Variants in SORCS3 observed in about 807,000 individuals in gnomAD.
The protein encoded by SORCS3 is sortilin related VPS10 domain containing receptor 3, also known as VPS10 domain-containing receptor SorCS3.
In SORCS3, 57 loss-of-function variants were observed where a neutral mutation model predicts 146.3. The observed-to-expected ratio is 0.39, with a 90% confidence interval of 0.31 to 0.49. The LOEUF (loss-of-function observed/expected upper bound fraction) is 0.49. Among genes scored for constraint, SORCS3 ranks in the 20% least tolerant of loss-of-function variants. The pLI is 0.92. For missense variants in SORCS3, 1,341 were observed against 1,575.5 expected (o/e 0.85, Z 2.52); for synonymous variants, 653 against 618.5 (o/e 1.06, Z -0.83).
chr10:105,005,940 T>C (rs1045011113), intron 4 of SORCS3, among the ~76,000 whole-genome samples: 4 of 152,216 alleles, frequency 2.6e-5, no homozygotes, highest in Admixed American at 6.5e-5. Context: ...TCTCGCAGTT[T>C]AATTCTTCAA....
Position 105,263,459 on chromosome 10 carries a change from G to A in SORCS3, c.*85G>A, listed in dbSNP as rs1171010938. The A allele has an allele frequency of 7.3e-7, 1 of 1,373,364 alleles. No individual in the cohort carries two copies. The highest frequency in any genetic ancestry group is 1.0e-6 in the Non-Finnish European group (1 of 983,506). The allele number at this position is 1,373,364 out of a possible 1,614,324, so 85.1% of individuals were successfully genotyped here. On this transcript the variant is annotated 3_prime_UTR_variant, in exon 27 of 27. Coordinates refer to ENST00000369701, the MANE Select transcript of SORCS3 (RefSeq NM_014978.3). ...ACTATTATTATGGAAAAATTAAAAT[G>A]TCTTTTTTACCTTTTGTTTACCAAG... is the stretch of plus-strand genomic sequence containing the variant.
intron 1 of SORCS3, among the ~76,000 whole-genome samples, chr10:104,841,988 G>A (rs1326486369): frequency 1.3e-5 from 2 of 152,198 alleles, no homozygotes; most frequent in Non-Finnish European, 2.9e-5. Context: ...GGATGCATGA[G>A]AGGCAGGTAG....
chr10:105,070,816 G>A (rs1437238347), intron 5 of SORCS3, among the ~76,000 whole-genome samples: 1 of 152,190 alleles, frequency 6.6e-6, no homozygotes, highest in African/African-American at 2.4e-5. Flanking sequence ...AATTTGTCAG[G>A]AGTTATATGA....
chr10:105,227,201 C>A (rs189143092), intron 20 of SORCS3, among the ~76,000 whole-genome samples: 4 of 152,006 alleles, frequency 2.6e-5, no homozygotes, highest in African/African-American at 9.6e-5. Flanking sequence ...ATAAGCGTAC[C>A]TCTCAGCATT....
intron 14 of SORCS3, among the ~76,000 whole-genome samples, chr10:105,199,761 A>G (rs1341675614): frequency 6.6e-6 from 1 of 152,078 alleles, no homozygotes; most frequent in Non-Finnish European, 1.5e-5. Flanking sequence ...ATAGGCATAT[A>G]TTACTTTTGC....
chr10:104,823,895 A>G (rs1460513681), intron 1 of SORCS3, among the ~76,000 whole-genome samples: 1 of 152,218 alleles, frequency 6.6e-6, no homozygotes, highest in African/African-American at 2.4e-5. Context: ...GGGTCCTTAA[A>G]TGGGGAAGAG....
In SORCS3 at chr10:104,916,728, T is replaced by C. The variant is rs143828882; in HGVS notation, c.795+796T>C. Reference sequence around the variant, plus strand: ...CATGATTCAAATACATGCACCAAAATGACCATATTAAAGGTCATTTTAATA... The same window carrying C: ...CATGATTCAAATACATGCACCAAAACGACCATATTAAAGGTCATTTTAATA... On this transcript the variant is annotated intron_variant, in intron 3 of 26. Transcript: ENST00000369701. 2.5e-3 allele frequency among the ~76,000 whole-genome samples: 381 copies of C among 152,264 alleles called. 2 individuals are homozygous for C. The highest frequency in any genetic ancestry group is 8.9e-3 in the African/African-American group (370 of 41,560).
At chr10:104,991,609 A>C (rs900564415) in intron 4 of SORCS3, among the ~76,000 whole-genome samples, 1 of 149,536 alleles carries the variant, frequency 6.7e-6, no homozygotes, top group East Asian at 2.0e-4. Flanking sequence ...TCAAGCAATT[A>C]TTCTGCCTCA....
chr10:104,772,685 G>C (rs764306872), intron 1 of SORCS3, among the ~76,000 whole-genome samples: 1 of 152,124 alleles, frequency 6.6e-6, no homozygotes, highest in Non-Finnish European at 1.5e-5. Flanking sequence ...TGCCATCACA[G>C]TACCTTTGTT....
At position 105,169,174 on chromosome 10, in the gene SORCS3, G is replaced by A. The variant is rs190830790; in HGVS notation, c.1901+1825G>A. Among the ~76,000 whole-genome samples the A allele has an allele frequency of 1.7e-3, 265 of 152,236 alleles. 1 individual carries two copies. The highest frequency in any genetic ancestry group is 6.3e-3 in the African/African-American group (262 of 41,534). Reference sequence around the variant, plus strand: ...ATGTTAAATACCTTTCTCAAGGCTAGACATGTATACCTGGCAGCACCAAGT... The same window carrying A: ...ATGTTAAATACCTTTCTCAAGGCTAAACATGTATACCTGGCAGCACCAAGT... On this transcript the variant is annotated intron_variant, in intron 13 of 26. Transcript: ENST00000369701.
intron 7 of SORCS3, among the ~76,000 whole-genome samples, chr10:105,128,125 G>A (rs1365469787): frequency 6.6e-6 from 1 of 152,160 alleles, no homozygotes. Flanking sequence ...GTCATTGTGT[G>A]CAAGAGCAGG....
At chr10:105,132,934 A>G (rs1260280751) in intron 7 of SORCS3, among the ~76,000 whole-genome samples, 1 of 152,244 alleles carries the variant, frequency 6.6e-6, no homozygotes, top group African/African-American at 2.4e-5. Flanking sequence ...CAAGTTTGCT[A>G]GTAAAGAAGA....
intron 4 of SORCS3, among the ~76,000 whole-genome samples, chr10:105,002,733 G>A (rs1386638218): frequency 1.3e-5 from 2 of 152,198 alleles, no homozygotes; most frequent in East Asian, 1.9e-4. Flanking sequence ...GTGAGAGCGA[G>A]TGTTGGCTCT....
At chr10:104,945,684 AG>A (rs1320231845) in intron 3 of SORCS3, among the ~76,000 whole-genome samples, 3 of 151,968 alleles carry the variant, frequency 2.0e-5, no homozygotes, top group Non-Finnish European at 4.4e-5. Flanking sequence ...CTTTAATGCA[AG>A]GTTTACTTTA....
intron 3 of SORCS3, among the ~76,000 whole-genome samples, chr10:104,954,524 T>A (rs985116688): frequency 7.9e-5 from 12 of 152,318 alleles, no homozygotes; most frequent in Non-Finnish European, 1.5e-4. Flanking sequence ...GGGCCTCTGC[T>A]TGTTAATTAA....
intron 1 of SORCS3, among the ~76,000 whole-genome samples, chr10:104,683,650 A>C (rs2016005830): frequency 6.6e-6 from 1 of 152,190 alleles, no homozygotes; most frequent in African/African-American, 2.4e-5. Context: ...CCAGCCAAAC[A>C]GCAGCTTGGA....
At chr10:104,883,211 C>T (rs1268314816) in intron 2 of SORCS3, among the ~76,000 whole-genome samples, 3 of 152,210 alleles carry the variant, frequency 2.0e-5, no homozygotes, top group African/African-American at 7.2e-5. Flanking sequence ...AAGGAATCTA[C>T]AGGAAAGAGC....
intron 4 of SORCS3, among the ~76,000 whole-genome samples, chr10:105,005,236 G>A (rs1480636457): frequency 6.6e-6 from 1 of 152,222 alleles, no homozygotes; most frequent in Non-Finnish European, 1.5e-5. Context: ...CCTTGGGTGA[G>A]TAGAATTAGC....
chr10:105,018,407 G>A (rs372734179), intron 4 of SORCS3, among the ~76,000 whole-genome samples: 4 of 152,232 alleles, frequency 2.6e-5, no homozygotes, highest in Non-Finnish European at 2.9e-5. Flanking sequence ...CCTGGATGAT[G>A]TGCTAATCCA....
Sources: allele counts gnomAD v4.1 joint callset (sites outside exome capture counted in the v4.1 genomes callset), GRCh38; gene constraint gnomAD v4.1.1; transcripts MANE v1.5; gene names NCBI Gene and HGNC (gene_info 2026-07-23, HGNC 2026-07-21).